SGMS1: variants seen among roughly 807,000 people sequenced by gnomAD.
SGMS1 encodes the protein phosphatidylcholine:ceramide cholinephosphotransferase 1.
SGMS1 carries 13 observed loss-of-function variants against 46.2 expected under a neutral mutation model. The ratio of observed to expected loss-of-function variants is 0.28; its 90% CI spans 0.18 to 0.45. The LOEUF is 0.45. Among genes scored for constraint, SGMS1 ranks in the 20% least tolerant of loss-of-function variants. SGMS1 has a pLI of 1.00. For missense variants in SGMS1, 324 were observed against 519.9 expected (o/e 0.62, Z 3.66); for synonymous variants, 203 against 187.8 (o/e 1.08, Z -0.66).
intron 5 of SGMS1, among the ~76,000 whole-genome samples, chr10:50,446,909 C>T (rs1003401462): frequency 6.6e-6 from 1 of 152,182 alleles, no homozygotes; most frequent in Non-Finnish European, 1.5e-5. Flanking sequence ...TGGTCTCTCA[C>T]AGGTCAAAAG....
At chr10:50,377,951 G>T (rs1011580922) in intron 6 of SGMS1, among the ~76,000 whole-genome samples, 1 of 152,040 alleles carries the variant, frequency 6.6e-6, no homozygotes, top group African/African-American at 2.4e-5. Flanking sequence ...TGCATTTAGG[G>T]CTTACCTGGA....
chr10:50,548,141 A>G (rs1380050168), intron 2 of SGMS1, among the ~76,000 whole-genome samples: 2 of 152,164 alleles, frequency 1.3e-5, no homozygotes, highest in Non-Finnish European at 2.9e-5. Flanking sequence ...GTATTAGTCC[A>G]TTCTCACACT....
At chr10:50,446,900 G>C (rs1837023646) in intron 5 of SGMS1, among the ~76,000 whole-genome samples, 1 of 152,098 alleles carries the variant, frequency 6.6e-6, no homozygotes, top group African/African-American at 2.4e-5. Flanking sequence ...GAGGAGATAT[G>C]GTCTCTCACA....
intron 2 of SGMS1, among the ~76,000 whole-genome samples, chr10:50,536,628 T>A (rs2133811798): frequency 6.6e-6 from 1 of 152,318 alleles, no homozygotes; most frequent in Non-Finnish European, 1.5e-5. Flanking sequence ...TCAAAGATAA[T>A]CCAAGTGAAT....
At chr10:50,489,661 G>A (rs1277064356) in intron 3 of SGMS1, among the ~76,000 whole-genome samples, 1 of 152,124 alleles carries the variant, frequency 6.6e-6, no homozygotes, top group African/African-American at 2.4e-5. Context: ...CCCTTTGAAA[G>A]GTCAAAATCA....
rs752017201 is a variant in SGMS1 at position 50,307,381 on chromosome 10, C to T, written c.1063-60G>A. On this transcript the variant is annotated intron_variant, in intron 10 of 10. Coordinates refer to ENST00000361781, the MANE Select transcript of SGMS1 (RefSeq NM_147156.4). The surrounding 1 kb of genome is among the most constrained non-coding windows in gnomAD (Gnocchi z 4.2). ...CAATCTTTCACTTTAAGTTCAAATA[C>T]TTGCCACGCTAAAATTCCCAAAGGA... The T allele has an allele frequency of 4.0e-5, 61 of 1,508,116 alleles. No homozygotes were observed. Among genetic ancestry groups the T allele is most frequent in the South Asian group, 8.6e-5 (7 of 81,244 alleles). 93.4% of individuals were successfully genotyped at this position (1,508,116 alleles called of 1,614,324 possible).
chr10:50,377,059 T>A (rs1267854465), intron 6 of SGMS1, among the ~76,000 whole-genome samples: 1 of 152,246 alleles, frequency 6.6e-6, no homozygotes, highest in African/African-American at 2.4e-5. Flanking sequence ...GCTGATTGTC[T>A]TAGCCTGTTT....
intron 3 of SGMS1, among the ~76,000 whole-genome samples, chr10:50,518,716 G>A (rs770292395): frequency 2.6e-5 from 4 of 152,184 alleles, no homozygotes; most frequent in African/African-American, 4.8e-5. Context: ...ATCGCACCCC[G>A]CCACAATGAA....
In SGMS1 at chr10:50,317,892, C is replaced by T. The variant is rs190127963; in HGVS notation, c.742-6477G>A. Among the ~76,000 whole-genome samples the T allele has an allele frequency of 5.6e-3, 857 of 151,882 alleles. 8 individuals are homozygous for T. Among genetic ancestry groups the T allele is most frequent in the Non-Finnish European group, 9.0e-3 (610 of 67,968 alleles). On this transcript the variant is annotated intron_variant, in intron 8 of 10. Transcript: ENST00000361781. ...AATCTCGGCTCACTGCAACCTCCAC[C>T]TCCTGGGTTCAAGCAATTCTCCTGC...
At chr10:50,412,955 T>C (rs1433163392) in intron 6 of SGMS1, among the ~76,000 whole-genome samples, 1 of 152,238 alleles carries the variant, frequency 6.6e-6, no homozygotes, top group African/African-American at 2.4e-5. Flanking sequence ...TTACTTCTCC[T>C]AAGATTTATC....
intron 4 of SGMS1, among the ~76,000 whole-genome samples, chr10:50,466,129 T>A (rs578205301): frequency 6.6e-6 from 1 of 152,220 alleles, no homozygotes; most frequent in East Asian, 1.9e-4. Flanking sequence ...TTAGAGCATA[T>A]GATGTGTTGT....
At chr10:50,375,603 G>C (rs1848511981) in intron 6 of SGMS1, among the ~76,000 whole-genome samples, 1 of 152,186 alleles carries the variant, frequency 6.6e-6, no homozygotes, top group Non-Finnish European at 1.5e-5. Flanking sequence ...TTTCAAGACA[G>C]AATGGAAGAG....
chr10:50,440,552 G>A (rs961562902), intron 5 of SGMS1, among the ~76,000 whole-genome samples: 1 of 152,046 alleles, frequency 6.6e-6, no homozygotes, highest in Non-Finnish European at 1.5e-5. Context: ...GTCACTAAAG[G>A]TAAAAAATAG....
chr10:50,363,631 T>C (rs1337153599), intron 6 of SGMS1, among the ~76,000 whole-genome samples: 2 of 152,150 alleles, frequency 1.3e-5, no homozygotes, highest in African/African-American at 2.4e-5. Flanking sequence ...AAAGTGAAAG[T>C]TGCAAAAAGA....
At chr10:50,575,424 C>T (rs1838375511) in intron 2 of SGMS1, among the ~76,000 whole-genome samples, 1 of 152,066 alleles carries the variant, frequency 6.6e-6, no homozygotes, top group African/African-American at 2.4e-5. Flanking sequence ...TGGTGGTGCA[C>T]ACCTGTAGTT....
At chr10:50,568,944 T>A (rs776339009) in intron 2 of SGMS1, among the ~76,000 whole-genome samples, 13 of 152,108 alleles carry the variant, frequency 8.5e-5, no homozygotes, top group Non-Finnish European at 1.6e-4. Context: ...GTGGCACATA[T>A]ACACCATGGA....
At chr10:50,443,180 T>C (rs1849566621) in intron 5 of SGMS1, among the ~76,000 whole-genome samples, 1 of 152,204 alleles carries the variant, frequency 6.6e-6, no homozygotes, top group Non-Finnish European at 1.5e-5. Flanking sequence ...GCTTTGACTT[T>C]TGCAACAACC....
chr10:50,561,513 C>T (rs977376448), intron 2 of SGMS1, among the ~76,000 whole-genome samples: 1 of 152,140 alleles, frequency 6.6e-6, no homozygotes, highest in African/African-American at 2.4e-5. Flanking sequence ...GTGCTTAGTT[C>T]GTCACATTGA....
chr10:50,607,246 G>T (rs574831501), intron 1 of SGMS1, among the ~76,000 whole-genome samples: 1 of 151,308 alleles, frequency 6.6e-6, no homozygotes, highest in South Asian at 2.1e-4. Context: ...GCCTCCCAAA[G>T]TGCTAGGATT....
Sources: allele counts gnomAD v4.1 joint callset (sites outside exome capture counted in the v4.1 genomes callset), GRCh38; gene constraint gnomAD v4.1.1; non-coding constraint Gnocchi (gnomAD v3.1); transcripts MANE v1.5; gene names NCBI Gene and HGNC (gene_info 2026-07-23, HGNC 2026-07-21).